The following C22orf31 variants were observed in gnomAD, a reference collection of about 807,000 sequenced individuals.
C22orf31 encodes uncharacterized protein C22orf31.
A neutral mutation model predicts 15.0 loss-of-function variants in C22orf31; 11 were observed. That is an observed-to-expected ratio of 0.73 (90% CI 0.46 to 1.21). The LOEUF (loss-of-function observed/expected upper bound fraction) is 1.21, where lower values mean the gene tolerates loss of function less well. C22orf31 is among the 50% of genes most tolerant of loss of function. C22orf31 has a pLI of 0.00. For synonymous variants in C22orf31, 132 were observed against 133.3 expected (o/e 0.99, Z 0.07); for missense variants, 340 against 347.2 (o/e 0.98, Z 0.17).
upstream of C22orf31, among the ~76,000 whole-genome samples, chr22:29,066,772 G>A (rs774159741): frequency 4.0e-5 from 6 of 151,682 alleles, no homozygotes; most frequent in Admixed American, 1.3e-4. Flanking sequence ...TGTCAGCCAG[G>A]CTGGTCTTGG....
At chr22:29,064,727 G>A (rs954834770), upstream of C22orf31, among the ~76,000 whole-genome samples, 15 of 103,434 alleles carry the variant, frequency 1.5e-4, no homozygotes, top group Admixed American at 8.5e-4. Context: ...TTTTTGTAGA[G>A]ATGAGGTCTC....
upstream of C22orf31, among the ~76,000 whole-genome samples, chr22:29,062,497 G>A (rs996088076): frequency 2.1e-4 from 32 of 152,138 alleles, no homozygotes; most frequent in Admixed American, 2.1e-3. Flanking sequence ...GGAGAACAAA[G>A]CCGCCTCTTC....
At chr22:29,059,739 AGATCC>A in intron 2 of C22orf31, 1 of 985,270 alleles carries the variant, frequency 1.0e-6, no homozygotes, top group East Asian at 1.1e-4. Context: ...CTCACAATCC[AGATCC>A]ATAGCTGACC....
the C22orf31 span, among the ~76,000 whole-genome samples, chr22:29,073,720 A>C: frequency 7.7e-6 from 1 of 129,812 alleles, no homozygotes. This position sits in a 1 kb window ranked among gnomAD's most constrained non-coding sequence, Gnocchi z 4.4. Flanking sequence ...ATCCCGTCCC[A>C]AAATCCCCAG....
intron 1 of C22orf31, 87 bp from the exon 2 acceptor site, chr22:29,060,930 A>C: frequency 3.6e-6 from 4 of 1,108,074 alleles, no homozygotes; most frequent in Non-Finnish European, 2.6e-6. Flanking sequence ...CAAAATATTA[A>C]CATCTTTTTA....
upstream of C22orf31, among the ~76,000 whole-genome samples, chr22:29,063,685 G>A (rs560845806): frequency 2.0e-5 from 3 of 152,268 alleles, no homozygotes; most frequent in East Asian, 5.8e-4. Context: ...AATGCTTCCT[G>A]AAGGCCAGGC....
chr22:29,062,751 G>A (rs1209548231), upstream of C22orf31, among the ~76,000 whole-genome samples: 1 of 152,104 alleles, frequency 6.6e-6, no homozygotes, highest in Non-Finnish European at 1.5e-5. Flanking sequence ...ACAGGCTGTG[G>A]TGGAACCACC....
chr22:29,071,117 A>G, the C22orf31 span, among the ~76,000 whole-genome samples: 8,041 of 151,874 alleles, frequency 0.053, 262 homozygotes, highest in East Asian at 0.12. Context: ...AATTGTGGAA[A>G]AGGGGAAAGC....
intron 1 of C22orf31, among the ~76,000 whole-genome samples, chr22:29,061,378 T>C (rs1327557291): frequency 6.6e-6 from 1 of 152,194 alleles, no homozygotes. Flanking sequence ...GGGATTCTTC[T>C]GCCTCAGCCT....
At chr22:29,059,612 G>T in intron 2 of C22orf31, 1 of 822,450 alleles carries the variant, frequency 1.2e-6, no homozygotes, top group Non-Finnish European at 1.5e-6. Flanking sequence ...TAAGCCCGAG[G>T]TCGTCCTCAA....
At chr22:29,060,932 A>G (rs1041317955) in intron 1 of C22orf31, 89 bp from the exon 2 acceptor site, 20 of 1,063,178 alleles carry the variant, frequency 1.9e-5, no homozygotes, top group Middle Eastern at 2.8e-4. Context: ...AAATATTAAC[A>G]TCTTTTTATA....
chr22:29,059,227 G>A (rs1438116274), intron 2 of C22orf31, 45 bp from the exon 3 acceptor site: 2 of 1,384,220 alleles, frequency 1.4e-6, no homozygotes, highest in Admixed American at 2.1e-5. Flanking sequence ...AACTTGAGAG[G>A]GGAGCTCAGA....
At chr22:29,072,036 G>T in the C22orf31 span, among the ~76,000 whole-genome samples, 7 of 152,206 alleles carry the variant, frequency 4.6e-5, no homozygotes, top group Non-Finnish European at 2.9e-5. Flanking sequence ...TACGGAACCA[G>T]GGGTCAGTAT....
chr22:29,073,417 A>G, the C22orf31 span, among the ~76,000 whole-genome samples: 1 of 151,218 alleles, frequency 6.6e-6, no homozygotes, highest in South Asian at 2.1e-4. This position sits in a 1 kb window ranked among gnomAD's most constrained non-coding sequence, Gnocchi z 4.4. Flanking sequence ...CAGGCCCGTC[A>G]TCGACGCCCC....
In C22orf31 at chr22:29,059,155, G is replaced by GT. The variant is rs1222688558; in HGVS notation, c.459dup (p.Leu154ThrfsTer8). 6.2e-7 allele frequency: 1 copy of GT among 1,610,750 alleles called. No homozygotes were observed. The highest frequency in any genetic ancestry group is 8.5e-7 in the Non-Finnish European group (1 of 1,178,664). On this transcript the variant is annotated frameshift_variant, in exon 3 of 3. Coordinates refer to ENST00000216071, the MANE Select transcript of C22orf31 (RefSeq NM_015370.2). LOFTEE classifies it low-confidence loss of function (END_TRUNC). Reference sequence around the variant, plus strand: ...TCCTCAAGATCTTGGCGGACTGTTAGTTTTTTCTCCTTTGAACTTTCTTTA... The same window carrying GT: ...TCCTCAAGATCTTGGCGGACTGTTAGTTTTTTTCTCCTTTGAACTTTCTTTA...
chr22:29,069,312 TC>T, the C22orf31 span, among the ~76,000 whole-genome samples: 1,203 of 152,258 alleles, frequency 7.9e-3, 12 homozygotes, highest in African/African-American at 0.027. Flanking sequence ...TCAGGCCCCC[TC>T]CTCCAGGGCT....
the C22orf31 span, among the ~76,000 whole-genome samples, chr22:29,068,636 T>A: frequency 6.6e-6 from 1 of 151,104 alleles, no homozygotes; most frequent in African/African-American, 2.4e-5. Context: ...AGTCTCGATC[T>A]CCTGACCTCA....
upstream of C22orf31, among the ~76,000 whole-genome samples, chr22:29,065,437 A>G (rs2123904296): frequency 6.6e-6 from 1 of 152,292 alleles, no homozygotes; most frequent in South Asian, 2.1e-4. Context: ...AAAGAAAAAA[A>G]AATCTAGTGT....
rs1315192900 is a variant in C22orf31 at position 29,058,988 on chromosome 22, G to A, written c.627C>T (p.Pro209=). The part of the protein sequence containing the change: ...SEDTLTIHGL[P]TEGYQALYHA... ...GGTACAGAGCCTGGTAACCCTCTGT[G>A]GGGAGACCATGGATGGTTAGCGTGT... is the stretch of plus-strand genomic sequence containing the variant. The change falls in exon 3 of 3, where the codon CCC becomes CCT. Residue 209 remains proline, a synonymous_variant. Coordinates refer to ENST00000216071, the MANE Select transcript of C22orf31 (RefSeq NM_015370.2). 1 of 1,614,134 alleles carries A rather than the reference G, an allele frequency of 6.2e-7. No individual in the cohort carries two copies. Among genetic ancestry groups the A allele is most frequent in the South Asian group, 1.1e-5 (1 of 91,086 alleles).
Sources: allele counts gnomAD v4.1 joint callset (sites outside exome capture counted in the v4.1 genomes callset), GRCh38; gene constraint gnomAD v4.1.1; non-coding constraint Gnocchi (gnomAD v3.1); transcripts MANE v1.5; gene names NCBI Gene and HGNC (gene_info 2026-07-23, HGNC 2026-07-21).